Variants in C8A observed in about 807,000 individuals in gnomAD.
The protein encoded by C8A is complement component C8 alpha chain.
Under a neutral mutation model 65.3 loss-of-function variants are expected in C8A, and 67 were observed. That is an observed-to-expected ratio of 1.03 (90% CI 0.84 to 1.26). The LOEUF is 1.26. C8A is among the 50% of genes most tolerant of loss of function. The probability of loss-of-function intolerance (pLI) is 0.00; values close to 1 mark genes in which losing one functional copy is unlikely to be tolerated. For synonymous variants in C8A, 290 were observed against 259.4 expected (o/e 1.12, Z -1.13); for missense variants, 781 against 723.9 (o/e 1.08, Z -0.90).
At chr1:56,857,900 T>C (rs1489197690) in intron 1 of C8A, among the ~76,000 whole-genome samples, 1 of 152,120 alleles carries the variant, frequency 6.6e-6, no homozygotes, top group Non-Finnish European at 1.5e-5. Context: ...CTTGATAAAG[T>C]CCCACAGGTC....
At chr1:56,908,627 G>T (rs916923395) in intron 9 of C8A, among the ~76,000 whole-genome samples, 15 of 152,136 alleles carry the variant, frequency 9.9e-5, no homozygotes, top group African/African-American at 3.4e-4. Context: ...TAAGCTGTGG[G>T]TTGGACTTGG....
At position 56,912,513 on chromosome 1, in the gene C8A, C is replaced by A; in HGVS notation, c.1491C>A (p.Cys497Ter). The A allele has an allele frequency of 1.2e-6, 2 of 1,614,216 alleles. No individual in the cohort carries two copies. Among genetic ancestry groups the A allele is most frequent in the Non-Finnish European group, 8.5e-7 (1 of 1,180,038 alleles). ...AGTATCTGATGGAATTCAATGCCTG[C>A]CGATGTGGGCCTTGCTTCAACAATG... Reference protein sequence around the residue: ...LDQYLMEFNACRCGPCFNNGV... With the variant: ...LDQYLMEFNA Residue 497 changes from cysteine (C) to a stop codon, truncating the protein, a stop_gained, in exon 10 of 11, where the codon TGC becomes TGA. Transcript: ENST00000361249. LOFTEE classifies it high-confidence loss of function.
At chr1:56,856,290 A>G (rs1444906283) in intron 1 of C8A, among the ~76,000 whole-genome samples, 1 of 152,160 alleles carries the variant, frequency 6.6e-6, no homozygotes, top group Non-Finnish European at 1.5e-5. Context: ...CAGGCAAGTT[A>G]TTTAATTTTT....
intron 7 of C8A, among the ~76,000 whole-genome samples, chr1:56,904,354 G>A (rs981268970): frequency 2.6e-5 from 4 of 152,102 alleles, no homozygotes; most frequent in Admixed American, 1.3e-4. Flanking sequence ...AAAAACTCTC[G>A]GGATACAGAT....
At chr1:56,902,813 G>T (rs997973774) in intron 7 of C8A, among the ~76,000 whole-genome samples, 1 of 152,004 alleles carries the variant, frequency 6.6e-6, no homozygotes, top group Non-Finnish European at 1.5e-5. Flanking sequence ...TGTCACATAT[G>T]GCAGGATTTT....
chr1:56,882,922 TC>T (rs1331010592), intron 5 of C8A, among the ~76,000 whole-genome samples: 1 of 152,168 alleles, frequency 6.6e-6, no homozygotes, highest in Non-Finnish European at 1.5e-5. Flanking sequence ...ACACATGCTC[TC>T]ATGATTGCAG....
At chr1:56,909,962 G>A (rs1156991242) in intron 9 of C8A, among the ~76,000 whole-genome samples, 1 of 152,210 alleles carries the variant, frequency 6.6e-6, no homozygotes, top group African/African-American at 2.4e-5. Context: ...CCCCTGAGAA[G>A]TTCGGACTCA....
chr1:56,909,136 T>G (rs1041207301), intron 9 of C8A, among the ~76,000 whole-genome samples: 5 of 152,226 alleles, frequency 3.3e-5, no homozygotes, highest in African/African-American at 1.2e-4. Context: ...TGAAAAATTC[T>G]ATTTTAACCA....
At chr1:56,855,270 C>A (rs1166728341) in intron 1 of C8A, among the ~76,000 whole-genome samples, 1 of 152,046 alleles carries the variant, frequency 6.6e-6, no homozygotes, top group African/African-American at 2.4e-5. Flanking sequence ...ATAATAATAC[C>A]TCTTCTATAA....
At chr1:56,896,775 C>A (rs1427923169) in intron 7 of C8A, among the ~76,000 whole-genome samples, 1 of 152,148 alleles carries the variant, frequency 6.6e-6, no homozygotes, top group East Asian at 1.9e-4. Context: ...GGAGCTAGGT[C>A]TGGAAAGTCT....
chr1:56,906,630 ACT>A (rs1260006407), intron 7 of C8A, 35 bp from the exon 8 acceptor site: 14 of 1,613,260 alleles, frequency 8.7e-6, no homozygotes, highest in Non-Finnish European at 1.0e-5. Context: ...TCTTTTAATA[ACT>A]CAGCATTTTG....
At chr1:56,892,803 TC>T (rs1448308251) in intron 7 of C8A, among the ~76,000 whole-genome samples, 2 of 152,094 alleles carry the variant, frequency 1.3e-5, no homozygotes, top group African/African-American at 2.4e-5. Flanking sequence ...GTGCCCTGGG[TC>T]CCTCAAAATG....
chr1:56,867,610 A>G lies in C8A; in HGVS notation c.79A>G (p.Arg27Gly). 6.2e-7 allele frequency: 1 copy of G among 1,612,072 alleles called. No homozygotes were observed. The highest frequency in any genetic ancestry group is 8.5e-7 in the Non-Finnish European group (1 of 1,178,336). Reference protein sequence around the residue: ...GVTAQEKVNQRVRRAATPAAV... With the variant: ...GVTAQEKVNQGVRRAATPAAV... ...TGCATGGATCTTCCCTTTCTTTAGGAGAGTAAGACGGGCAGCTACACCCGC... is the reference window on the plus strand; with the variant it reads ...TGCATGGATCTTCCCTTTCTTTAGGGGAGTAAGACGGGCAGCTACACCCGC... Residue 27 changes from arginine to glycine, a missense_variant and splice_region_variant, in exon 2 of 11, where the codon AGA becomes GGA. Coordinates refer to ENST00000361249, the MANE Select transcript of C8A (RefSeq NM_000562.3).
In C8A at chr1:56,881,642, T is replaced by C. The variant is rs200104325; in HGVS notation, c.654+8T>C. ...CTGAAGTACCACTTTGAAGTAAGTC[T>C]GAACAGAGGGGCTCTGAGGCCACTG... is the stretch of plus-strand genomic sequence containing the variant. On this transcript the variant is annotated splice_region_variant and intron_variant, in intron 5 of 10. Transcript: ENST00000361249. The C allele has an allele frequency of 9.3e-6, 15 of 1,612,052 alleles. No homozygotes were observed. The highest frequency in any genetic ancestry group is 1.3e-5 in the Non-Finnish European group (15 of 1,179,362).
At chr1:56,913,096 A>G (rs1644523073) in intron 10 of C8A, among the ~76,000 whole-genome samples, 1 of 152,170 alleles carries the variant, frequency 6.6e-6, no homozygotes, top group South Asian at 2.1e-4. Context: ...TTCTCGGCTT[A>G]TAGATGCATC....
In C8A at chr1:56,876,142, G is replaced by T; in HGVS notation, c.397G>T (p.Val133Phe). 6.2e-7 allele frequency: 1 copy of T among 1,613,968 alleles called. No homozygotes were observed. Among genetic ancestry groups the T allele is most frequent in the Non-Finnish European group, 8.5e-7 (1 of 1,179,896 alleles). ...CTCTGATGAGGACGACTGTGAAGAT[G>T]TCAGGGCCATTGACGAAGACTGCAG... ...DGSDEDDCED[V>F]RAIDEDCSQY... Residue 133 changes from valine (V) to phenylalanine (F), a missense_variant, in exon 4 of 11, where the codon GTC becomes TTC. By Grantham distance (50) the Val-to-Phe change is conservative (BLOSUM62 -1). Transcript: ENST00000361249.
chr1:56,902,879 AT>A (rs921628822), intron 7 of C8A, among the ~76,000 whole-genome samples: 11 of 152,064 alleles, frequency 7.2e-5, no homozygotes, highest in African/African-American at 2.2e-4. Flanking sequence ...TTCTTATTTC[AT>A]TTTTTAAAGC....
intron 7 of C8A, among the ~76,000 whole-genome samples, chr1:56,902,799 G>T (rs577617589): frequency 6.6e-6 from 1 of 152,094 alleles, no homozygotes; most frequent in South Asian, 2.1e-4. Flanking sequence ...AGGTTCAATC[G>T]CATTGTCACA....
rs114518004 is a variant in C8A at position 56,882,194 on chromosome 1, T to C, written c.654+560T>C. On this transcript the variant is annotated intron_variant, in intron 5 of 10. Coordinates refer to ENST00000361249, the MANE Select transcript of C8A (RefSeq NM_000562.3). Reference sequence around the variant, plus strand: ...ACTAAGACTCTCTCCATCTCTACAATTTGGTGGTCTCTTGGTCACTTGGAG... The same window carrying C: ...ACTAAGACTCTCTCCATCTCTACAACTTGGTGGTCTCTTGGTCACTTGGAG... Among the ~76,000 whole-genome samples, 331 of 152,284 alleles carry C rather than the reference T, an allele frequency of 2.2e-3. 1 individual carries two copies. The highest frequency in any genetic ancestry group is 7.7e-3 in the African/African-American group (319 of 41,576).
Sources: allele counts gnomAD v4.1 joint callset (sites outside exome capture counted in the v4.1 genomes callset), GRCh38; gene constraint gnomAD v4.1.1; transcripts MANE v1.5; gene names NCBI Gene and HGNC (gene_info 2026-07-23, HGNC 2026-07-21).